SCN8A: variants seen among roughly 807,000 people sequenced by gnomAD.
The protein encoded by SCN8A is sodium voltage-gated channel alpha subunit 8.
A neutral mutation model predicts 184.1 loss-of-function variants in SCN8A; 30 were observed. The observed-to-expected ratio is 0.16, with a 90% CI of 0.12 to 0.22. The LOEUF is 0.22. Among genes scored for constraint, SCN8A ranks in the 10% least tolerant of loss-of-function variants. SCN8A has a pLI of 1.00. For missense variants in SCN8A, 1,057 were observed against 2,498.9 expected (o/e 0.42, Z 12.30); for synonymous variants, 852 against 907.0 (o/e 0.94, Z 1.09).
At chr12:51,651,673 A>G (rs2138653231) in intron 1 of SCN8A, among the ~76,000 whole-genome samples, 1 of 152,370 alleles carries the variant, frequency 6.6e-6, no homozygotes, top group African/African-American at 2.4e-5. Context: ...CAACGTGGGA[A>G]TTATGAGAGT....
intron 2 of SCN8A, 149 bp from the exon 3 acceptor site, chr12:51,684,025 G>T: frequency 3.0e-6 from 2 of 667,396 alleles, no homozygotes; most frequent in Non-Finnish European, 5.4e-6. Context: ...GGCAAACATT[G>T]TGTTAAGTTT....
intron 2 of SCN8A, among the ~76,000 whole-genome samples, chr12:51,675,684 G>A (rs565976894): frequency 6.6e-6 from 1 of 152,308 alleles, no homozygotes; most frequent in South Asian, 2.1e-4. Context: ...TTTGTGAAAC[G>A]AATAGTTAGA....
intron 1 of SCN8A, among the ~76,000 whole-genome samples, chr12:51,623,699 G>A (rs560406920): frequency 5.3e-5 from 8 of 152,134 alleles, no homozygotes; most frequent in Non-Finnish European, 1.2e-4. Context: ...GTGCCATGTT[G>A]GTGTGCTGCA....
At position 51,810,180 on chromosome 12, in the gene SCN8A, C is replaced by A. The variant is rs1048985267; in HGVS notation, c.*2751C>A. ...GGCTGTCTCCTCAGTAACACATGGG[C>A]CTTGGTATCTGGCACCCATCAGCCA... is the stretch of plus-strand genomic sequence containing the variant. On this transcript the variant is annotated 3_prime_UTR_variant, in exon 27 of 27. Coordinates refer to ENST00000627620, the MANE Select transcript of SCN8A (RefSeq NM_001330260.2). The A allele has an allele frequency of 1.6e-5, 4 of 243,188 alleles. No homozygotes were observed. The highest frequency in any genetic ancestry group is 5.8e-5 in the Admixed American group (1 of 17,258). 15.1% of individuals were successfully genotyped at this position (243,188 alleles called of 1,614,324 possible). A position where few individuals can be genotyped will look rare whatever the true frequency, so the allele number is the denominator to read the frequency against.
chr12:51,786,952 C>G, intron 22 of SCN8A, 126 bp downstream of exon 22: 1 of 941,124 alleles, frequency 1.1e-6, no homozygotes, highest in South Asian at 1.7e-5. Context: ...TCCAAGAAAA[C>G]AGTATTGTTC....
In SCN8A at chr12:51,795,469, G is replaced by A. The variant is rs551582897; in HGVS notation, c.4795+828G>A. 2.0e-3 allele frequency among the ~76,000 whole-genome samples: 307 copies of A among 152,294 alleles called. 1 individual carries two copies. Among genetic ancestry groups the A allele is most frequent in the African/African-American group, 7.0e-3 (290 of 41,558 alleles). Reference sequence around the variant, plus strand: ...CTCATTTACACTAGAGAGAGTGCTCGAGACCCATGGGACCAGCCCCAGAGC... The same window carrying A: ...CTCATTTACACTAGAGAGAGTGCTCAAGACCCATGGGACCAGCCCCAGAGC... On this transcript the variant is annotated intron_variant, in intron 26 of 26. Coordinates refer to ENST00000627620, the MANE Select transcript of SCN8A (RefSeq NM_001330260.2).
chr12:51,781,922 A>T (rs1937936057), intron 21 of SCN8A, among the ~76,000 whole-genome samples: 1 of 152,226 alleles, frequency 6.6e-6, no homozygotes, highest in Admixed American at 6.5e-5. Flanking sequence ...GAAAAACTAG[A>T]TACCAGGACA....
chr12:51,751,963 C>T (rs1942602248), intron 14 of SCN8A, among the ~76,000 whole-genome samples: 1 of 152,112 alleles, frequency 6.6e-6, no homozygotes, highest in South Asian at 2.1e-4. Context: ...TCCCCTTTCA[C>T]CTTAAGTAAC....
At chr12:51,618,490 CACACACACACACACACACAG>C (rs1939892934) in intron 1 of SCN8A, among the ~76,000 whole-genome samples, 1 of 150,714 alleles carries the variant, frequency 6.6e-6, no homozygotes, top group African/African-American at 2.4e-5. Context: ...CACACACACA[CACACACACACACACACACAG>C]AAAGAAAAAA....
intron 1 of SCN8A, among the ~76,000 whole-genome samples, chr12:51,643,362 A>C (rs1209240537): frequency 6.6e-6 from 1 of 152,092 alleles, no homozygotes; most frequent in East Asian, 1.9e-4. Flanking sequence ...ATGCCTGCCT[A>C]ATTAGGTTGT....
At chr12:51,716,072 G>A (rs549721564) in intron 11 of SCN8A, among the ~76,000 whole-genome samples, 3 of 152,334 alleles carry the variant, frequency 2.0e-5, no homozygotes, top group African/African-American at 7.2e-5. Context: ...AGTGACTCAC[G>A]CCTATAATCT....
chr12:51,771,480 G>C (rs1393925204), intron 19 of SCN8A, among the ~76,000 whole-genome samples: 1 of 152,074 alleles, frequency 6.6e-6, no homozygotes, highest in African/African-American at 2.4e-5. Flanking sequence ...CAGTGTTAAA[G>C]ATTTTGACAG....
At chr12:51,796,161 G>A (rs1273286124) in intron 26 of SCN8A, among the ~76,000 whole-genome samples, 1 of 152,078 alleles carries the variant, frequency 6.6e-6, no homozygotes, top group Non-Finnish European at 1.5e-5. Context: ...TATGTGCCAG[G>A]TACCATAATA....
At chr12:51,691,541 A>G (rs1230463551) in intron 6 of SCN8A, among the ~76,000 whole-genome samples, 1 of 152,114 alleles carries the variant, frequency 6.6e-6, no homozygotes, top group Non-Finnish European at 1.5e-5. Flanking sequence ...TATGATTATA[A>G]AGAAACCTAA....
In SCN8A at chr12:51,745,901, A is replaced by T; in HGVS notation, c.1999-2A>T. ...TTTGCTTTTCTTTTTTTTTTTTTAAAGGCTACAACTGAGGTGGAAATTAAG... is the reference window on the plus strand; with the variant it reads ...TTTGCTTTTCTTTTTTTTTTTTTAATGGCTACAACTGAGGTGGAAATTAAG... On this transcript the variant is annotated splice_acceptor_variant, in intron 12 of 26. Transcript: ENST00000627620. LOFTEE classifies it high-confidence loss of function. 1 of 1,560,108 alleles carries T rather than the reference A, an allele frequency of 6.4e-7. No individual in the cohort carries two copies. Among genetic ancestry groups the T allele is most frequent in the Non-Finnish European group, 8.6e-7 (1 of 1,160,490 alleles).
intron 11 of SCN8A, among the ~76,000 whole-genome samples, chr12:51,711,477 A>T (rs886242032): frequency 1.3e-4 from 20 of 152,228 alleles, no homozygotes; most frequent in Non-Finnish European, 1.5e-5. Context: ...GCCTAGAAAG[A>T]ATCACTTATA....
chr12:51,686,474 T>C lies in SCN8A; in HGVS notation c.485+17T>C, dbSNP rs748436294. On this transcript the variant is annotated intron_variant, in intron 4 of 26. Coordinates refer to ENST00000627620, the MANE Select transcript of SCN8A (RefSeq NM_001330260.2). ...GAATGTGGAGTAAGTAACTCATTTA[T>C]GTGTGTGCTTGTTTGTTTTAAATAT... is the stretch of plus-strand genomic sequence containing the variant. 2.3e-5 allele frequency: 34 copies of C among 1,481,118 alleles called. No homozygotes were observed. In the Admixed American group the frequency reaches 5.6e-4, roughly 24 times the overall value. 91.7% of individuals were successfully genotyped at this position (1,481,118 alleles called of 1,614,324 possible).
rs557559740 is a variant in SCN8A, at chr12:51,706,476, G to A, written c.1396G>A (p.Glu466Lys). The A allele has an allele frequency of 2.1e-5, 34 of 1,605,494 alleles. No homozygotes were observed. Among genetic ancestry groups the A allele is most frequent in the Non-Finnish European group, 2.8e-5 (33 of 1,176,142 alleles). Residue 466 changes from glutamate (E) to lysine (K), a missense_variant, in exon 11 of 27, where the codon GAA (glutamate) becomes AAA (lysine). Physicochemically the swap from Glu to Lys is moderately conservative, Grantham distance 56. Around this residue, in one of 19 missense-constraint regions of SCN8A, gnomAD observed 322 missense variants for 390.1 expected, o/e 0.83. Coordinates refer to ENST00000627620, the MANE Select transcript of SCN8A (RefSeq NM_001330260.2). Reference sequence around the variant, plus strand: ...TGTCTCAGAAGATGCCATAGAGGAAGAAGGTGAAGAAGGAGGGGGCTCCCC... The same window carrying A: ...TGTCTCAGAAGATGCCATAGAGGAAAAAGGTGAAGAAGGAGGGGGCTCCCC... ...GTVSEDAIEE[E>K]GEEGGGSPRS...
At chr12:51,800,236 A>G (rs572220318) in intron 26 of SCN8A, among the ~76,000 whole-genome samples, 11 of 152,380 alleles carry the variant, frequency 7.2e-5, no homozygotes, top group Admixed American at 5.9e-4. Context: ...CATATCAGAT[A>G]CCAGGAGATG....
Sources: gnomAD v4.1 joint callset for allele counts (sites outside exome capture counted in the v4.1 genomes callset) on GRCh38, gnomAD v4.1.1 for gene constraint, gnomAD v4.1.1 regional missense constraint, MANE v1.5 for transcripts, NCBI Gene and HGNC (gene_info 2026-07-23, HGNC 2026-07-21) for gene names.